Variants in BTBD7 observed in about 807,000 individuals in gnomAD.
BTBD7 encodes the protein BTB domain containing 7.
In BTBD7, 38 loss-of-function variants were observed where a neutral mutation model predicts 99.9. The observed-to-expected ratio is 0.38, with a 90% CI of 0.29 to 0.50. The LOEUF is 0.50. Among genes scored for constraint, BTBD7 ranks in the 20% least tolerant of loss-of-function variants. The pLI is 0.93. For missense variants in BTBD7, 1,170 were observed against 1,394.6 expected, an observed-to-expected ratio of 0.84 and a Z score of 2.57; for synonymous variants, 520 against 511.4, an observed-to-expected ratio of 1.02 and a Z score of -0.23.
At chr14:93,331,884 C>CCCG (rs539917491) in intron 1 of BTBD7, among the ~76,000 whole-genome samples, 1 of 146,882 alleles carries the variant, frequency 6.8e-6, no homozygotes, top group East Asian at 2.0e-4. Flanking sequence ...CCGTCTCCCC[C>CCCG]CCCCCAAAAA....
intron 5 of BTBD7, among the ~76,000 whole-genome samples, chr14:93,258,215 G>A (rs890185911): frequency 6.6e-6 from 1 of 151,778 alleles, no homozygotes; most frequent in South Asian, 2.1e-4. Context: ...GTGTGTGTGT[G>A]TGTGTATGAG....
At chr14:93,261,504 G>T in intron 5 of BTBD7, 98 bp downstream of exon 5, 1 of 924,774 alleles carries the variant, frequency 1.1e-6, no homozygotes, top group Non-Finnish European at 1.7e-6. Context: ...CCAGGCAACA[G>T]TGTCAATTTT....
chr14:93,323,971 T>C (rs1489372939), intron 1 of BTBD7, among the ~76,000 whole-genome samples: 2 of 152,226 alleles, frequency 1.3e-5, no homozygotes, highest in African/African-American at 2.4e-5. Context: ...GTTCAAACCA[T>C]ACAGTCATGT....
chr14:93,332,597 C>T, intron 1 of BTBD7, among the ~76,000 whole-genome samples: 1 of 151,714 alleles, frequency 6.6e-6, no homozygotes, highest in East Asian at 1.9e-4. Flanking sequence ...TCCAGCCCGC[C>T]CCTCGGAGCG....
intron 1 of BTBD7, among the ~76,000 whole-genome samples, chr14:93,300,923 T>C (rs1244967872): frequency 6.6e-6 from 1 of 151,918 alleles, no homozygotes; most frequent in Non-Finnish European, 1.5e-5. Flanking sequence ...CTGGAAGGTA[T>C]TTCCATACTA....
At chr14:93,322,683 T>G (rs908741340) in intron 1 of BTBD7, among the ~76,000 whole-genome samples, 1 of 152,194 alleles carries the variant, frequency 6.6e-6, no homozygotes, top group Non-Finnish European at 1.5e-5. Flanking sequence ...TGGGCTTTAG[T>G]AAAGTAAAAA....
At chr14:93,297,504 G>A (rs1211791201) in intron 1 of BTBD7, among the ~76,000 whole-genome samples, 3 of 152,208 alleles carry the variant, frequency 2.0e-5, no homozygotes, top group Non-Finnish European at 4.4e-5. Flanking sequence ...TGTATTTTTA[G>A]TAGAGATGGG....
At chr14:93,287,494 T>C (rs2052794410) in intron 3 of BTBD7, 1 of 152,130 alleles carries the variant, frequency 6.6e-6, no homozygotes. Context: ...CCATGCTGTG[T>C]ACTAAAATTA....
intron 1 of BTBD7, among the ~76,000 whole-genome samples, chr14:93,311,375 T>C (rs995344469): frequency 1.3e-5 from 2 of 152,210 alleles, no homozygotes; most frequent in Non-Finnish European, 2.9e-5. Flanking sequence ...ACTGGTCATT[T>C]CCTTAAAGAA....
rs181849090 is a variant in BTBD7, at chr14:93,317,071, T to C, written c.-107+15749A>G. Among the ~76,000 whole-genome samples, 395 of 152,236 alleles carry C rather than the reference T, an allele frequency of 2.6e-3. 1 individual carries two copies. Among genetic ancestry groups the C allele is most frequent in the Non-Finnish European group, 4.1e-3 (276 of 68,012 alleles). On this transcript the variant is annotated intron_variant, in intron 1 of 10. Coordinates refer to ENST00000334746, the MANE Select transcript of BTBD7 (RefSeq NM_001002860.4). ...CATAAGAAAGAGTGCAGTGGTACGA[T>C]CTCAGCTCATTGCAACCTTTGCCTC...
intron 1 of BTBD7, among the ~76,000 whole-genome samples, chr14:93,311,616 T>C (rs564297521): frequency 6.6e-6 from 1 of 152,294 alleles, no homozygotes; most frequent in African/African-American, 2.4e-5. Flanking sequence ...TCATTTCTCC[T>C]TTCTCACATA....
intron 3 of BTBD7, among the ~76,000 whole-genome samples, chr14:93,281,288 C>T (rs974852570): frequency 4.7e-4 from 72 of 152,144 alleles, no homozygotes; most frequent in Admixed American, 3.1e-3. Context: ...AGGCATGAGC[C>T]GCTGTGCCCT....
At chr14:93,247,328 TTTTGTTTG>T (rs34225714) in intron 9 of BTBD7, among the ~76,000 whole-genome samples, 8,950 of 149,236 alleles carry the variant, frequency 0.06, 482 homozygotes, top group African/African-American at 0.14. Context: ...GCCTATTCTT[TTTTGTTTG>T]TTTGTTTGTT....
chr14:93,303,661 G>A (rs535493382), intron 1 of BTBD7, among the ~76,000 whole-genome samples: 11 of 152,150 alleles, frequency 7.2e-5, no homozygotes, highest in African/African-American at 9.7e-5. Context: ...GGAAAGTGGT[G>A]CGTTAAGAAT....
chr14:93,320,634 A>G (rs1402467956), intron 1 of BTBD7, among the ~76,000 whole-genome samples: 1 of 152,248 alleles, frequency 6.6e-6, no homozygotes, highest in African/African-American at 2.4e-5. Flanking sequence ...TTTTCATTTG[A>G]AAAGTCTACT....
At chr14:93,270,956 A>T (rs1471306328) in intron 3 of BTBD7, among the ~76,000 whole-genome samples, 1 of 152,164 alleles carries the variant, frequency 6.6e-6, no homozygotes, top group Admixed American at 6.5e-5. Flanking sequence ...TTTTCTTTCT[A>T]ATCTTTAATG....
At position 93,288,279 on chromosome 14, in the gene BTBD7, T is replaced by G. The variant is rs1367207859; in HGVS notation, c.1162+5579A>C. 1.3e-5 allele frequency: 7 copies of G among 525,052 alleles called. No individual in the cohort carries two copies. In the Admixed American group the frequency reaches 2.6e-4, roughly 19 times the overall value. The allele number at this position is 525,052 out of a possible 1,614,324, so 32.5% of individuals were successfully genotyped here. A position where few individuals can be genotyped will look rare whatever the true frequency, so the allele number is the denominator to read the frequency against. ...TGGTATATATTTCTAAAGCCACTATTTGTTAGATGTTAGACCCTGGATGAA... is the reference window on the plus strand; with the variant it reads ...TGGTATATATTTCTAAAGCCACTATGTGTTAGATGTTAGACCCTGGATGAA... On this transcript the variant is annotated intron_variant, in intron 3 of 10. Coordinates refer to ENST00000334746, the MANE Select transcript of BTBD7 (RefSeq NM_001002860.4).
intron 3 of BTBD7, among the ~76,000 whole-genome samples, chr14:93,273,205 G>C (rs1382802580): frequency 6.6e-6 from 1 of 152,134 alleles, no homozygotes; most frequent in Non-Finnish European, 1.5e-5. Flanking sequence ...ATTAAAATGA[G>C]GTACATGTGG....
intron 1 of BTBD7, among the ~76,000 whole-genome samples, chr14:93,328,569 C>T (rs1384436587): frequency 7.3e-6 from 1 of 137,448 alleles, no homozygotes; most frequent in Non-Finnish European, 1.5e-5. Context: ...TAGATATCCA[C>T]ACATAAAGAC....
Sources: gnomAD v4.1 joint callset for allele counts (sites outside exome capture counted in the v4.1 genomes callset) on GRCh38, gnomAD v4.1.1 for gene constraint, MANE v1.5 for transcripts, NCBI Gene and HGNC (gene_info 2026-07-23, HGNC 2026-07-21) for gene names.